RPA3: variants seen among roughly 807,000 people sequenced by gnomAD.
RPA3 encodes replication protein A3, also known as replication protein A 14 kDa subunit.
Under a neutral mutation model 13.7 loss-of-function variants are expected in RPA3, and 24 were observed. That is an observed-to-expected ratio of 1.75 (90% CI 1.27 to 2.46). RPA3 has a LOEUF of 2.46. RPA3 is among the 30% of genes most tolerant of loss of function. RPA3 has a pLI of 0.00. For synonymous variants in RPA3, 59 were observed against 51.2 expected (o/e 1.15, Z -0.65); for missense variants, 183 against 151.0 (o/e 1.21, Z -1.11).
chr7:7,668,891 C>T (rs28915069), intron 4 of RPA3, among the ~76,000 whole-genome samples: 2,812 of 152,230 alleles, frequency 0.018, 83 homozygotes, highest in African/African-American at 0.064. Context: ...CAGGAAACCA[C>T]TCTATTGCAG....
At chr7:7,638,179 A>G (rs1784896396) in intron 6 of RPA3, 1 of 416,396 alleles carries the variant, frequency 2.4e-6, no homozygotes, top group African/African-American at 2.0e-5. Flanking sequence ...TACCTTTAGC[A>G]GTAGCTTCAA....
intron 4 of RPA3, among the ~76,000 whole-genome samples, chr7:7,654,796 C>T (rs1436975411): frequency 2.0e-5 from 3 of 151,488 alleles, no homozygotes; most frequent in South Asian, 4.2e-4. Context: ...CCCAGCTACT[C>T]TGGAGGCTGA....
In RPA3 at chr7:7,680,308, A is replaced by G. The variant is rs79250104; in HGVS notation, c.-758+5522T>C. On this transcript the variant is annotated intron_variant, in intron 4 of 7. Transcript: ENST00000223129. ...ACTGATTCAAGACTTCCTTTTCCCA[A>G]TGTATATCCTTGGCACCCTTGTTGA... 3.1e-3 allele frequency among the ~76,000 whole-genome samples: 470 copies of G among 152,152 alleles called. 5 individuals are homozygous for G. Among genetic ancestry groups the G allele is most frequent in the African/African-American group, 0.011 (447 of 41,514 alleles).
intron 4 of RPA3, chr7:7,673,185 A>T: frequency 2.8e-6 from 2 of 718,998 alleles, no homozygotes; most frequent in Non-Finnish European, 4.9e-6. Flanking sequence ...TCATGGTTTT[A>T]CATGTGGCCA....
chr7:7,691,374 A>C (rs1166419343), intron 2 of RPA3, among the ~76,000 whole-genome samples: 1 of 152,236 alleles, frequency 6.6e-6, no homozygotes, highest in African/African-American at 2.4e-5. Flanking sequence ...AAAATAAACC[A>C]AACATTAATA....
chr7:7,666,416 C>G (rs1272754742), intron 4 of RPA3, among the ~76,000 whole-genome samples: 1 of 152,090 alleles, frequency 6.6e-6, no homozygotes, highest in Non-Finnish European at 1.5e-5. Context: ...CCACGTTGCC[C>G]AGGCTGGTCA....
intron 4 of RPA3, among the ~76,000 whole-genome samples, chr7:7,652,243 T>C (rs1785239474): frequency 6.6e-6 from 1 of 152,212 alleles, no homozygotes; most frequent in African/African-American, 2.4e-5. Flanking sequence ...ATTCCTTTGA[T>C]AGGATTTCCG....
intron 4 of RPA3, among the ~76,000 whole-genome samples, chr7:7,646,524 C>T (rs1320313696): frequency 2.1e-5 from 3 of 141,280 alleles, no homozygotes; most frequent in African/African-American, 7.9e-5. Flanking sequence ...CGTCTGACAC[C>T]ATGTAAGACG....
At chr7:7,682,335 C>G (rs1330825242) in intron 4 of RPA3, among the ~76,000 whole-genome samples, 1 of 152,122 alleles carries the variant, frequency 6.6e-6, no homozygotes, top group East Asian at 1.9e-4. Flanking sequence ...AATGATCAGT[C>G]AGATATTGAA....
chr7:7,643,074 T>A (rs1382701997), intron 4 of RPA3, among the ~76,000 whole-genome samples: 1 of 152,094 alleles, frequency 6.6e-6, no homozygotes, highest in African/African-American at 2.4e-5. Flanking sequence ...CCCAACCCAC[T>A]AGAAATGTTG....
At chr7:7,646,293 T>TA (rs1468532689) in intron 4 of RPA3, among the ~76,000 whole-genome samples, 1 of 96,936 alleles carries the variant, frequency 1.0e-5, no homozygotes, top group East Asian at 5.6e-4. Flanking sequence ...GGGATGGTGA[T>TA]ACGGTTTGGC....
At chr7:7,655,752 CTT>C (rs964692728) in intron 4 of RPA3, among the ~76,000 whole-genome samples, 1 of 151,968 alleles carries the variant, frequency 6.6e-6, no homozygotes, top group African/African-American at 2.4e-5. Context: ...AGGACAGGCT[CTT>C]TTTTATGTAT....
chr7:7,650,824 A>G (rs1003809236), intron 4 of RPA3, among the ~76,000 whole-genome samples: 5 of 152,202 alleles, frequency 3.3e-5, no homozygotes, highest in Non-Finnish European at 5.9e-5. Flanking sequence ...ACTCCTTGGC[A>G]TGGCATATAA....
chr7:7,667,617 T>G (rs1485631777), intron 4 of RPA3, among the ~76,000 whole-genome samples: 1 of 152,190 alleles, frequency 6.6e-6, no homozygotes. Context: ...AAGTATGAAG[T>G]AAGTGAAGGT....
intron 4 of RPA3, among the ~76,000 whole-genome samples, chr7:7,648,968 G>A (rs1394736182): frequency 6.6e-6 from 1 of 152,062 alleles, no homozygotes; most frequent in Non-Finnish European, 1.5e-5. Context: ...GACCAGCCTG[G>A]CCAACATGGC....
At chr7:7,706,850 C>G (rs1267246844) in intron 2 of RPA3, among the ~76,000 whole-genome samples, 1 of 152,126 alleles carries the variant, frequency 6.6e-6, no homozygotes, top group Non-Finnish European at 1.5e-5. Context: ...GATAGAGCAT[C>G]TTGACTTACT....
At chr7:7,675,411 T>C (rs1779714160) in intron 4 of RPA3, among the ~76,000 whole-genome samples, 1 of 152,196 alleles carries the variant, frequency 6.6e-6, no homozygotes, top group Non-Finnish European at 1.5e-5. Flanking sequence ...CAATTTCTGG[T>C]AGCATGTAGT....
intron 1 of RPA3, among the ~76,000 whole-genome samples, chr7:7,717,786 T>A (rs1490129320): frequency 6.6e-6 from 1 of 152,236 alleles, no homozygotes; most frequent in Non-Finnish European, 1.5e-5. Context: ...GAGCATGAGT[T>A]TGAAATTTTG....
intron 2 of RPA3, among the ~76,000 whole-genome samples, chr7:7,694,619 A>G (rs889591706): frequency 1.3e-5 from 2 of 152,088 alleles, no homozygotes; most frequent in Non-Finnish European, 2.9e-5. Context: ...AGTTCCCACA[A>G]ATGAGTGAGA....
Sources: allele counts gnomAD v4.1 joint callset (sites outside exome capture counted in the v4.1 genomes callset), GRCh38; gene constraint gnomAD v4.1.1; transcripts MANE v1.5; gene names NCBI Gene and HGNC (gene_info 2026-07-23, HGNC 2026-07-21).